EHMT1: variants seen among roughly 807,000 people sequenced by gnomAD.
EHMT1 encodes euchromatic histone lysine methyltransferase 1, also known as histone-lysine N-methyltransferase EHMT1.
In EHMT1, 15 loss-of-function variants were observed where a neutral mutation model predicts 147.2. The observed-to-expected ratio is 0.10, with a 90% CI of 0.07 to 0.16. The LOEUF (loss-of-function observed/expected upper bound fraction) is 0.16. Ranked by LOEUF, EHMT1 falls within the 10% of genes least tolerant of loss-of-function variation. EHMT1 has a pLI of 1.00. For missense variants in EHMT1, 1,587 were observed against 1,772.4 expected, an observed-to-expected ratio of 0.90 and a Z score of 1.88; for synonymous variants, 795 against 709.6, an observed-to-expected ratio of 1.12 and a Z score of -1.91.
chr9:137,781,643 GATAA>G (rs1260426321), intron 14 of EHMT1, among the ~76,000 whole-genome samples: 1 of 152,184 alleles, frequency 6.6e-6, no homozygotes, highest in Admixed American at 6.5e-5. Context: ...CCTTCCCAGT[GATAA>G]TTTGGTCTCT....
intron 1 of EHMT1, among the ~76,000 whole-genome samples, chr9:137,678,040 G>A (rs1469835970): frequency 6.6e-6 from 1 of 152,120 alleles, no homozygotes; most frequent in Non-Finnish European, 1.5e-5. Context: ...CTGCACTCCA[G>A]CCTGGGCGAC....
At chr9:137,726,410 T>C (rs893768274) in intron 3 of EHMT1, among the ~76,000 whole-genome samples, 7 of 152,216 alleles carry the variant, frequency 4.6e-5, no homozygotes, top group Non-Finnish European at 1.0e-4. Context: ...TTCGGCACAG[T>C]GTCCCCGAGG....
chr9:137,779,889 T>C (rs1291885280), intron 14 of EHMT1, among the ~76,000 whole-genome samples, 172 bp downstream of exon 14: 1 of 152,252 alleles, frequency 6.6e-6, no homozygotes, highest in Non-Finnish European at 1.5e-5. Flanking sequence ...GTTGAGGCTT[T>C]TTATGGTGTT....
At position 137,814,517 on chromosome 9, in the gene EHMT1, G is replaced by A. The variant is rs371694194; in HGVS notation, c.3258+9G>A. The A allele has an allele frequency of 1.6e-5, 25 of 1,603,960 alleles. No individual in the cohort carries two copies. The highest frequency in any genetic ancestry group is 4.0e-5 in the African/African-American group (3 of 74,924). On this transcript the variant is annotated intron_variant, in intron 22 of 26. Transcript: ENST00000460843. Reference sequence around the variant, plus strand: ...GCTGCTGGTACGACAAGGTGAGGGCGGCCTCGTGTGCGTGGGCTCAGGTGG... The same window carrying A: ...GCTGCTGGTACGACAAGGTGAGGGCAGCCTCGTGTGCGTGGGCTCAGGTGG...
intron 16 of EHMT1, among the ~76,000 whole-genome samples, chr9:137,796,247 T>G (rs1374117064): frequency 6.6e-6 from 1 of 152,174 alleles, no homozygotes; most frequent in Non-Finnish European, 1.5e-5. Context: ...GGAAGCGTCT[T>G]TTAAGACACA....
At chr9:137,651,803 A>G (rs1256116492) in intron 1 of EHMT1, among the ~76,000 whole-genome samples, 2 of 152,178 alleles carry the variant, frequency 1.3e-5, no homozygotes, top group Non-Finnish European at 2.9e-5. Context: ...AAGAAAAGAA[A>G]AAAAAAGATT....
chr9:137,815,783 G>C (rs966458066), intron 22 of EHMT1, 164 bp from the exon 23 acceptor site: 1 of 690,758 alleles, frequency 1.4e-6, no homozygotes, highest in Non-Finnish European at 2.6e-6. Context: ...CATCCAAACC[G>C]TACACATGGA....
In EHMT1 at chr9:137,716,953, G is replaced by A; in HGVS notation, c.413G>A (p.Arg138Lys). 3.7e-6 allele frequency: 6 copies of A among 1,612,894 alleles called. No individual in the cohort carries two copies. The highest frequency in any genetic ancestry group is 4.2e-6 in the Non-Finnish European group (5 of 1,179,820). ...CCGGCCCTACAGGCACAGCCCTTGA[G>A]GACTACCAGCACTCTGGCCTCTTCG... Reference protein sequence around the residue: ...NKPALQAQPLRTTSTLASSLP... With the variant: ...NKPALQAQPLKTTSTLASSLP... Residue 138 changes from arginine to lysine, a missense_variant, in exon 3 of 27, where the codon AGG (arginine) becomes AAG (lysine). Arg to Lys is a conservative substitution (Grantham distance 26, BLOSUM62 2). Around this residue, in one of 7 missense-constraint regions of EHMT1, gnomAD observed 810 missense variants for 673.0 expected, o/e 1.20. Transcript: ENST00000460843.
At chr9:137,622,888 C>T (rs1206559583) in intron 1 of EHMT1, among the ~76,000 whole-genome samples, 1 of 135,376 alleles carries the variant, frequency 7.4e-6, no homozygotes, top group African/African-American at 2.8e-5. Context: ...GCCTGGGTGA[C>T]AGAGCAAAAT....
At chr9:137,762,122 T>C (rs1054394255) in intron 9 of EHMT1, among the ~76,000 whole-genome samples, 1 of 152,280 alleles carries the variant, frequency 6.6e-6, no homozygotes, top group Non-Finnish European at 1.5e-5. Flanking sequence ...TATTGAGCTC[T>C]AATTCTCCTC....
chr9:137,765,078 G>T (rs1297055049), intron 10 of EHMT1, among the ~76,000 whole-genome samples: 1 of 152,284 alleles, frequency 6.6e-6, no homozygotes. Context: ...GCGGCCGCCT[G>T]TCCGCCCGAA....
chr9:137,664,281 A>C (rs138826297), intron 1 of EHMT1, among the ~76,000 whole-genome samples: 2,101 of 150,052 alleles, frequency 0.014, 38 homozygotes, highest in South Asian at 0.039. Flanking sequence ...TTGCCTGTTT[A>C]GCCATACTTT....
At chr9:137,779,798 C>T (rs1951242818) in intron 14 of EHMT1, 81 bp downstream of exon 14, 8 of 1,474,942 alleles carry the variant, frequency 5.4e-6, no homozygotes, top group African/African-American at 1.4e-5. Context: ...TTACTCCTTC[C>T]TCAGGAGGCT....
At chr9:137,795,614 G>T (rs576780100) in intron 16 of EHMT1, among the ~76,000 whole-genome samples, 1 of 152,250 alleles carries the variant, frequency 6.6e-6, no homozygotes, top group African/African-American at 2.4e-5. Context: ...CCCCGGCTGG[G>T]AGTGGTTTTT....
intron 18 of EHMT1, among the ~76,000 whole-genome samples, chr9:137,804,630 C>T (rs1407926324): frequency 1.3e-5 from 2 of 152,138 alleles, no homozygotes; most frequent in South Asian, 4.1e-4. Context: ...TTTTGGCGTT[C>T]TGTTTAAGAA....
chr9:137,813,054 A>G lies in EHMT1; in HGVS notation c.2916A>G (p.Gly972=). 6.2e-7 allele frequency: 1 copy of G among 1,613,968 alleles called. No individual in the cohort carries two copies. Among genetic ancestry groups the G allele is most frequent in the Non-Finnish European group, 8.5e-7 (1 of 1,180,014 alleles). Residue 972 remains glycine, a synonymous_variant, in exon 20 of 27, where the codon GGA becomes GGG. Transcript: ENST00000460843. This position sits in a 1 kb window ranked among gnomAD's most constrained non-coding sequence, Gnocchi z 4.9. ...ATGTCACCTTAAAGAACAAGGAAGG[A>G]GAGACGCCCCTGCAGTGTGCGAGCC... The part of the protein sequence containing the change: ...DSDVTLKNKE[G]ETPLQCASLN...
At chr9:137,742,521 T>C (rs1427305936) in intron 4 of EHMT1, among the ~76,000 whole-genome samples, 1 of 152,150 alleles carries the variant, frequency 6.6e-6, no homozygotes, top group African/African-American at 2.4e-5. Flanking sequence ...CAGTGGCTTT[T>C]AGATCTGTTT....
intron 1 of EHMT1, among the ~76,000 whole-genome samples, chr9:137,680,472 C>CA (rs1316094363): frequency 1.3e-5 from 2 of 151,388 alleles, no homozygotes; most frequent in African/African-American, 4.9e-5. Context: ...GACTCTGTCT[C>CA]AAAAAAACAA....
chr9:137,756,684 G>A (rs1949401151), intron 8 of EHMT1, among the ~76,000 whole-genome samples: 1 of 152,234 alleles, frequency 6.6e-6, no homozygotes, highest in Non-Finnish European at 1.5e-5. Context: ...TTAGAGCCAA[G>A]ACTAAAAGTT....
Sources: allele counts gnomAD v4.1 joint callset (sites outside exome capture counted in the v4.1 genomes callset), GRCh38; gene constraint gnomAD v4.1.1; regional missense constraint gnomAD v4.1.1; non-coding constraint Gnocchi (gnomAD v3.1); transcripts MANE v1.5; gene names NCBI Gene and HGNC (gene_info 2026-07-23, HGNC 2026-07-21).